The following ITSN2 variants were observed in gnomAD, a reference collection of about 807,000 sequenced individuals.
The protein encoded by ITSN2 is intersectin-2.
ITSN2 carries 156 observed loss-of-function variants against 243.7 expected under a neutral mutation model. That is an observed-to-expected ratio of 0.64 (90% CI 0.56 to 0.73). The LOEUF (loss-of-function observed/expected upper bound fraction) is 0.73. ITSN2 is among the 30% of genes least tolerant of loss of function. The pLI is 0.00. For missense variants in ITSN2, 1,801 were observed against 1,996.1 expected (o/e 0.90, Z 1.86); for synonymous variants, 703 against 699.9 (o/e 1.00, Z -0.07).
At chr2:24,223,979 G>T (rs541398016) in intron 29 of ITSN2, among the ~76,000 whole-genome samples, 6 of 152,294 alleles carry the variant, frequency 3.9e-5, no homozygotes, top group Admixed American at 1.3e-4. Flanking sequence ...ATTATCTTCT[G>T]CCAGGGGGAA....
chr2:24,208,322 A>G lies in ITSN2; in HGVS notation c.4596-3T>C. ...TGATCTTCTGCACCCAGGCGGTCCT[A>G]CGGGAGAAGCAGGGGCAGCCGTTGG... On this transcript the variant is annotated splice_polypyrimidine_tract_variant and splice_region_variant and intron_variant, in intron 36 of 39. Transcript: ENST00000355123. The G allele has an allele frequency of 6.2e-7, 1 of 1,611,262 alleles. No homozygotes were observed. The highest frequency in any genetic ancestry group is 8.5e-7 in the Non-Finnish European group (1 of 1,179,394).
chr2:24,249,472 T>C lies in ITSN2; in HGVS notation c.3121-590A>G, dbSNP rs1302291710. On this transcript the variant is annotated intron_variant, in intron 25 of 39. Coordinates refer to ENST00000355123, the MANE Select transcript of ITSN2 (RefSeq NM_006277.3). This position sits in a 1 kb window ranked among gnomAD's most constrained non-coding sequence, Gnocchi z 4.4. ...CTGGCCCAACCACATTTCCTCTTTA[T>C]AGGAATTTGAACAACAAAAGGGATG... Among the ~76,000 whole-genome samples, 1 of 152,206 alleles carries C rather than the reference T, an allele frequency of 6.6e-6. No individual in the cohort carries two copies. The highest frequency in any genetic ancestry group is 1.5e-5 in the Non-Finnish European group (1 of 68,034).
intron 30 of ITSN2, among the ~76,000 whole-genome samples, chr2:24,218,931 G>C (rs1271411314): frequency 6.6e-6 from 1 of 152,126 alleles, no homozygotes; most frequent in African/African-American, 2.4e-5. Flanking sequence ...GCTCTCCACT[G>C]TCCGTGTGAT....
intron 9 of ITSN2, among the ~76,000 whole-genome samples, chr2:24,302,761 A>T (rs56692434): frequency 6.6e-6 from 1 of 152,230 alleles, no homozygotes; most frequent in Non-Finnish European, 1.5e-5. Flanking sequence ...ACCAAATCAC[A>T]TTTACCTATA....
At position 24,271,857 on chromosome 2, in the gene ITSN2, T is replaced by C. The variant is rs768045151; in HGVS notation, c.2166A>G (p.Glu722=). ...CTTCTTGAATTTTTTCTTGTGTTTTTTCTTCCTGGAGTCGCTTTTGTTTTT... is the reference window on the plus strand; with the variant it reads ...CTTCTTGAATTTTTTCTTGTGTTTTCTCTTCCTGGAGTCGCTTTTGTTTTT... ...EEEKQKRLQE[E]KTQEKIQEEE... is the part of the protein sequence containing the mutation. The change falls in exon 19 of 40, where the codon GAA becomes GAG. Residue 722 remains glutamate (E), a synonymous_variant. Coordinates refer to ENST00000355123, the MANE Select transcript of ITSN2 (RefSeq NM_006277.3). The C allele has an allele frequency of 8.1e-6, 13 of 1,610,688 alleles. No homozygotes were observed. In the Admixed American group the frequency reaches 2.0e-4, roughly 25 times the overall value.
Position 24,204,591 on chromosome 2 carries a change from G to A in ITSN2, c.4763-173C>T, listed in dbSNP as rs1329150403. On this transcript the variant is annotated intron_variant, in intron 38 of 39. Transcript: ENST00000355123. This position sits in a 1 kb window ranked among gnomAD's most constrained non-coding sequence, Gnocchi z 5.1. ...TGTGGTCTAGTAACAGGGTCTCCAA[G>A]TTCCCAGTGCTGACAGCAGCATTAA... 3 of 689,308 alleles carry A rather than the reference G, an allele frequency of 4.4e-6. No homozygotes were observed. Among genetic ancestry groups the A allele is most frequent in the South Asian group, 3.0e-5 (2 of 67,080 alleles). The allele number at this position is 689,308 out of a possible 1,614,324, so 42.7% of individuals were successfully genotyped here. A position where few individuals can be genotyped will look rare whatever the true frequency, so the allele number is the denominator to read the frequency against.
chr2:24,262,182 CTCTT>C (rs944435832), intron 20 of ITSN2, among the ~76,000 whole-genome samples: 1 of 152,130 alleles, frequency 6.6e-6, no homozygotes, highest in African/African-American at 2.4e-5. Flanking sequence ...AGATTGACCT[CTCTT>C]TCACTGTAGC....
chr2:24,217,869 G>A, intron 31 of ITSN2, 38 bp downstream of exon 31: 9 of 1,431,168 alleles, frequency 6.3e-6, no homozygotes, highest in Non-Finnish European at 8.9e-6. Context: ...TGGGGGCTTT[G>A]GGGTCAGCGG....
At chr2:24,234,057 G>A (rs1198535499) in intron 29 of ITSN2, among the ~76,000 whole-genome samples, 1 of 152,098 alleles carries the variant, frequency 6.6e-6, no homozygotes, top group Non-Finnish European at 1.5e-5. Flanking sequence ...CTGAAGAACT[G>A]ACACTACCTG....
At chr2:24,242,320 T>C (rs1426587826) in intron 29 of ITSN2, 1 of 152,434 alleles carries the variant, frequency 6.6e-6, no homozygotes, top group Non-Finnish European at 1.5e-5. Flanking sequence ...CTGTTAAAAT[T>C]CTCTATCTTA....
rs1679509639 is a variant in ITSN2, at chr2:24,286,364, C to T, written c.1724-13G>A. On this transcript the variant is annotated splice_polypyrimidine_tract_variant and intron_variant, in intron 15 of 39. Coordinates refer to ENST00000355123, the MANE Select transcript of ITSN2 (RefSeq NM_006277.3). ...CTGACCCCTGAATCTGAAAAACAAA[C>T]ATCAGACAGTTTACATTTTGCAGAA... 1 of 1,608,702 alleles carries T rather than the reference C, an allele frequency of 6.2e-7. No individual in the cohort carries two copies. The highest frequency in any genetic ancestry group is 8.5e-7 in the Non-Finnish European group (1 of 1,177,274).
At chr2:24,216,390 G>T in intron 31 of ITSN2, 158 bp from the exon 32 acceptor site, 2 of 550,496 alleles carry the variant, frequency 3.6e-6, no homozygotes, top group Non-Finnish European at 3.0e-6. Context: ...AGATAGCTTG[G>T]GCCAAAAGCT....
intron 22 of ITSN2, among the ~76,000 whole-genome samples, chr2:24,259,784 T>C (rs139848550): frequency 5.3e-5 from 8 of 152,346 alleles, no homozygotes; most frequent in African/African-American, 1.7e-4. Flanking sequence ...TTCTCACCAA[T>C]TGAGTAAGAT....
Position 24,293,743 on chromosome 2 carries a change from A to C in ITSN2, c.1668T>G (p.Pro556=). The C allele has an allele frequency of 8.3e-7, 1 of 1,200,150 alleles. No individual in the cohort carries two copies. Among genetic ancestry groups the C allele is most frequent in the Non-Finnish European group, 1.2e-6 (1 of 845,790 alleles). 74.3% of individuals were successfully genotyped at this position (1,200,150 alleles called of 1,614,324 possible). Residue 556 remains proline (P), a synonymous_variant, in exon 15 of 40, where the codon CCT becomes CCG. Transcript: ENST00000355123. ...EYQNKLIYLV[P]EKQLLNERIK... ...TTCTTTCATTTAATAATTGCTTCTC[A>C]GGTACCAGATAGATAAGCTTATTCT... is the stretch of plus-strand genomic sequence containing the variant.
intron 1 of ITSN2, among the ~76,000 whole-genome samples, chr2:24,355,970 A>C (rs1688407843): frequency 6.6e-6 from 1 of 152,182 alleles, no homozygotes; most frequent in Admixed American, 6.5e-5. Flanking sequence ...TGGGAGGCCG[A>C]GGCGGGTGGA....
rs1558417683 is a variant in ITSN2, at chr2:24,204,678, T to C, written c.4763-260A>G. 8 of 602,190 alleles carry C rather than the reference T, an allele frequency of 1.3e-5. No individual in the cohort carries two copies. In the East Asian group the frequency reaches 2.9e-4, roughly 22 times the overall value. 37.3% of individuals were successfully genotyped at this position (602,190 alleles called of 1,614,324 possible). On this transcript the variant is annotated intron_variant, in intron 38 of 39. Coordinates refer to ENST00000355123, the MANE Select transcript of ITSN2 (RefSeq NM_006277.3). This position sits in a 1 kb window ranked among gnomAD's most constrained non-coding sequence, Gnocchi z 5.1. ...TCCGCACGGAACAATCCTGGGTGAG[T>C]GTCACTGCAACCTGCTGCATGCTTC...
chr2:24,248,895 G>T lies in ITSN2; in HGVS notation c.3121-13C>A, dbSNP rs1412197269. The T allele has an allele frequency of 1.2e-6, 2 of 1,611,992 alleles. No homozygotes were observed. The highest frequency in any genetic ancestry group is 2.2e-5 in the South Asian group (2 of 90,992). On this transcript the variant is annotated splice_polypyrimidine_tract_variant and intron_variant, in intron 25 of 39. Transcript: ENST00000355123. Reference sequence around the variant, plus strand: ...CACTCCCAAAACTCTACAAGGAAAAGATACCGTGTTGTTTTATTATTTCCA... The same window carrying T: ...CACTCCCAAAACTCTACAAGGAAAATATACCGTGTTGTTTTATTATTTCCA...
At chr2:24,268,546 G>T (rs893242096) in intron 20 of ITSN2, among the ~76,000 whole-genome samples, 12 of 152,106 alleles carry the variant, frequency 7.9e-5, no homozygotes, top group African/African-American at 2.9e-4. Flanking sequence ...TCTACACACT[G>T]ATCTGAGGGG....
chr2:24,269,845 G>C (rs890158660), intron 20 of ITSN2, among the ~76,000 whole-genome samples: 1 of 152,348 alleles, frequency 6.6e-6, no homozygotes, highest in Admixed American at 6.5e-5. Context: ...AAGGAGAGGA[G>C]GAATGGTAGG....
Sources: gnomAD v4.1 joint callset for allele counts (sites outside exome capture counted in the v4.1 genomes callset) on GRCh38, gnomAD v4.1.1 for gene constraint, Gnocchi (gnomAD v3.1) non-coding constraint, MANE v1.5 for transcripts, NCBI Gene and HGNC (gene_info 2026-07-23, HGNC 2026-07-21) for gene names.